The following ADAM22 variants were observed in gnomAD, a reference collection of about 807,000 sequenced individuals.
ADAM22 encodes disintegrin and metalloproteinase domain-containing protein 22.
A neutral mutation model predicts 144.6 loss-of-function variants in ADAM22; 65 were observed. The ratio of observed to expected loss-of-function variants is 0.45; its 90% CI spans 0.37 to 0.55. The LOEUF (loss-of-function observed/expected upper bound fraction) is 0.55, where lower values mean the gene tolerates loss of function less well. Among genes scored for constraint, ADAM22 ranks in the 20% least tolerant of loss-of-function variants. ADAM22 has a pLI of 0.00. For missense variants in ADAM22, 974 were observed against 1,184.9 expected, an observed-to-expected ratio of 0.82 and a Z score of 2.61; for synonymous variants, 391 against 412.6, an observed-to-expected ratio of 0.95 and a Z score of 0.63.
chr7:87,978,605 G>C (rs972047125), intron 3 of ADAM22, among the ~76,000 whole-genome samples, 193 bp downstream of exon 3: 3 of 152,134 alleles, frequency 2.0e-5, no homozygotes, highest in African/African-American at 7.2e-5. Context: ...ATTTGAAATT[G>C]AGCACCTATA....
intron 3 of ADAM22, among the ~76,000 whole-genome samples, chr7:87,987,646 A>G (rs1004102737): frequency 6.6e-6 from 1 of 152,238 alleles, no homozygotes; most frequent in African/African-American, 2.4e-5. Context: ...TCTTTGCAAG[A>G]TAAAAGATTC....
chr7:88,167,851 G>C (rs1843301632), intron 24 of ADAM22, among the ~76,000 whole-genome samples: 1 of 152,074 alleles, frequency 6.6e-6, no homozygotes, highest in Admixed American at 6.6e-5. Context: ...TCCTCCCTAA[G>C]TTTCATTACT....
At chr7:88,163,440 T>G (rs548675599) in intron 23 of ADAM22, among the ~76,000 whole-genome samples, 9 of 152,192 alleles carry the variant, frequency 5.9e-5, no homozygotes, top group African/African-American at 2.2e-4. Context: ...TCATATAATA[T>G]AATGCCAACT....
At chr7:88,111,172 A>G (rs937312980) in intron 5 of ADAM22, among the ~76,000 whole-genome samples, 2 of 152,130 alleles carry the variant, frequency 1.3e-5, no homozygotes, top group African/African-American at 4.8e-5. Flanking sequence ...ATGAGCACAT[A>G]GGATAAATAT....
chr7:88,153,318 C>T lies in ADAM22; in HGVS notation c.1779C>T (p.Cys593=). 6.2e-7 allele frequency: 1 copy of T among 1,611,840 alleles called. No homozygotes were observed. The highest frequency in any genetic ancestry group is 2.2e-5 in the East Asian group (1 of 44,738). Residue 593 remains cysteine, a synonymous_variant, in exon 21 of 32, where the codon TGC becomes TGT. Coordinates refer to ENST00000413139, the MANE Select transcript of ADAM22 (RefSeq NM_001324418.2). ...AAGACAAAGACACATGGATACAGTG[C>T]AACAAACGGTGAGGTGGAGACGTCA... The part of the protein sequence containing the change: ...CGKDKDTWIQ[C]NKRDVLCGYL...
At chr7:88,182,133 G>T in intron 29 of ADAM22, 109 bp downstream of exon 29, 2 of 1,004,098 alleles carry the variant, frequency 2.0e-6, no homozygotes, top group East Asian at 5.0e-5. Flanking sequence ...CTCCGGTCTT[G>T]GTTTTGTCTT....
intron 3 of ADAM22, among the ~76,000 whole-genome samples, chr7:88,041,249 G>A (rs1227861893): frequency 1.3e-5 from 2 of 152,024 alleles, no homozygotes; most frequent in African/African-American, 4.8e-5. Context: ...ACACCTTGGG[G>A]TGGGAATCTT....
chr7:88,139,629 G>A (rs899166388), intron 14 of ADAM22, among the ~76,000 whole-genome samples: 1 of 151,972 alleles, frequency 6.6e-6, no homozygotes, highest in Non-Finnish European at 1.5e-5. Context: ...TCACTTACTG[G>A]GTATCAACTT....
At chr7:88,080,025 T>A (rs945776010) in intron 4 of ADAM22, among the ~76,000 whole-genome samples, 1 of 152,056 alleles carries the variant, frequency 6.6e-6, no homozygotes, top group Admixed American at 6.6e-5. Flanking sequence ...ACTCTCCACC[T>A]CAAATCAACA....
rs181089524 is a variant in ADAM22 at position 88,053,918 on chromosome 7, G to T, written c.324-21708G>T. Among the ~76,000 whole-genome samples the T allele has an allele frequency of 3.1e-3, 478 of 152,168 alleles. 3 individuals are homozygous for T. The highest frequency in any genetic ancestry group is 0.011 in the African/African-American group (452 of 41,514). Reference sequence around the variant, plus strand: ...GGCTGAGGCGGGCAGATCACCTGAGGTCAGGAGTTCAAGATCAGCCTGGCC... The same window carrying T: ...GGCTGAGGCGGGCAGATCACCTGAGTTCAGGAGTTCAAGATCAGCCTGGCC... On this transcript the variant is annotated intron_variant, in intron 3 of 31. Transcript: ENST00000413139.
chr7:88,050,943 G>A (rs891266051), intron 3 of ADAM22, among the ~76,000 whole-genome samples: 3 of 152,204 alleles, frequency 2.0e-5, no homozygotes, highest in African/African-American at 7.2e-5. Flanking sequence ...CCATGCCTAT[G>A]TCCTGAATGG....
intron 26 of ADAM22, among the ~76,000 whole-genome samples, chr7:88,173,602 TA>T (rs1844894677): frequency 6.6e-6 from 1 of 152,034 alleles, no homozygotes. Flanking sequence ...TTCAATCTTA[TA>T]AAAATATCTA....
chr7:88,179,475 A>G (rs1846444136), intron 27 of ADAM22, among the ~76,000 whole-genome samples: 1 of 152,056 alleles, frequency 6.6e-6, no homozygotes, highest in Admixed American at 6.6e-5. Context: ...GTATTTTTTA[A>G]TTTTATATAT....
chr7:87,955,502 C>CTCAGAGGA (rs1846436992), intron 2 of ADAM22, among the ~76,000 whole-genome samples: 1 of 152,148 alleles, frequency 6.6e-6, no homozygotes. Context: ...GAAGTTTTGT[C>CTCAGAGGA]TCAGAGGAGT....
At chr7:88,151,879 A>G (rs560292522) in intron 20 of ADAM22, among the ~76,000 whole-genome samples, 1 of 152,328 alleles carries the variant, frequency 6.6e-6, no homozygotes, top group South Asian at 2.1e-4. Flanking sequence ...TTCAAAGGAA[A>G]ATATATGATA....
At chr7:87,943,445 G>A (rs1035195548) in intron 2 of ADAM22, among the ~76,000 whole-genome samples, 19 of 152,022 alleles carry the variant, frequency 1.2e-4, no homozygotes, top group African/African-American at 4.3e-4. Flanking sequence ...CATACCTAAC[G>A]TTATTTCTTG....
At chr7:88,122,480 T>C (rs1260437550) in intron 7 of ADAM22, among the ~76,000 whole-genome samples, 1 of 152,182 alleles carries the variant, frequency 6.6e-6, no homozygotes, top group African/African-American at 2.4e-5. Context: ...AATTCTTCTC[T>C]TTGGCCCCCA....
intron 3 of ADAM22, among the ~76,000 whole-genome samples, chr7:88,020,337 C>G (rs1006895826): frequency 3.2e-4 from 49 of 152,274 alleles, no homozygotes; most frequent in African/African-American, 1.1e-3. Context: ...TGGCTAAGGC[C>G]TAACAAAATG....
intron 14 of ADAM22, among the ~76,000 whole-genome samples, chr7:88,136,892 T>C (rs1833114201): frequency 6.6e-6 from 1 of 152,016 alleles, no homozygotes; most frequent in Non-Finnish European, 1.5e-5. Context: ...ACAATAATGA[T>C]AAGCTTGGAA....
Sources: allele counts gnomAD v4.1 joint callset (sites outside exome capture counted in the v4.1 genomes callset), GRCh38; gene constraint gnomAD v4.1.1; transcripts MANE v1.5; gene names NCBI Gene and HGNC (gene_info 2026-07-23, HGNC 2026-07-21).